The following ATP6V1A variants were observed in gnomAD, a reference collection of about 807,000 sequenced individuals.
The protein encoded by ATP6V1A is ATPase H+ transporting V1 subunit A.
A neutral mutation model predicts 70.1 loss-of-function variants in ATP6V1A; 18 were observed. The ratio of observed to expected loss-of-function variants is 0.26; its 90% CI spans 0.18 to 0.38. The LOEUF (loss-of-function observed/expected upper bound fraction) is 0.38, where lower values mean the gene tolerates loss of function less well. Ranked by LOEUF, ATP6V1A falls within the 10% of genes least tolerant of loss-of-function variation. The pLI is 1.00. For synonymous variants in ATP6V1A, 232 were observed against 253.8 expected, an observed-to-expected ratio of 0.91 and a Z score of 0.82; for missense variants, 424 against 772.4, an observed-to-expected ratio of 0.55 and a Z score of 5.35.
rs1577076807 is a variant in ATP6V1A, at chr3:113,747,565, A to T, written c.-14+452A>T. On this transcript the variant is annotated intron_variant, in intron 1 of 14. Coordinates refer to ENST00000273398, the MANE Select transcript of ATP6V1A (RefSeq NM_001690.4). ...CTCCGGTGAGACAGGCTTGGGAGGGACTGTCACTGATACGGCCCTCACTGC... is the reference window on the plus strand; with the variant it reads ...CTCCGGTGAGACAGGCTTGGGAGGGTCTGTCACTGATACGGCCCTCACTGC... 3.3e-5 allele frequency among the ~76,000 whole-genome samples: 5 copies of T among 152,078 alleles called. No individual in the cohort carries two copies. The South Asian group carries it at 1.0e-3, about 32-fold the overall frequency.
intron 12 of ATP6V1A, 133 bp downstream of exon 12, chr3:113,798,579 T>C (rs1343798076): frequency 1.3e-6 from 1 of 741,092 alleles, no homozygotes; most frequent in Non-Finnish European, 1.9e-6. Context: ...AATTGAAATT[T>C]TCTATTCATT....
intron 1 of ATP6V1A, among the ~76,000 whole-genome samples, chr3:113,770,191 G>A (rs1303645221): frequency 7.9e-5 from 12 of 152,046 alleles, no homozygotes; most frequent in African/African-American, 7.2e-5. Context: ...TGGGACTACA[G>A]TTTTGCATCA....
intron 1 of ATP6V1A, among the ~76,000 whole-genome samples, chr3:113,764,344 C>T (rs1708742622): frequency 6.6e-6 from 1 of 152,086 alleles, no homozygotes; most frequent in African/African-American, 2.4e-5. Context: ...AGTATGGTAT[C>T]TATTTAATGG....
intron 8 of ATP6V1A, among the ~76,000 whole-genome samples, chr3:113,792,531 G>T (rs1453233269): frequency 1.3e-5 from 2 of 152,072 alleles, no homozygotes; most frequent in African/African-American, 2.4e-5. Flanking sequence ...AGAGATGGGG[G>T]TCTCACTATG....
intron 1 of ATP6V1A, among the ~76,000 whole-genome samples, chr3:113,755,694 T>G (rs1708640336): frequency 6.6e-6 from 1 of 152,220 alleles, no homozygotes; most frequent in Non-Finnish European, 1.5e-5. Flanking sequence ...GTTTTAACAT[T>G]CATTTACTCA....
intron 1 of ATP6V1A, among the ~76,000 whole-genome samples, chr3:113,762,821 G>A (rs972577425): frequency 6.6e-6 from 1 of 152,060 alleles, no homozygotes; most frequent in African/African-American, 2.4e-5. Context: ...ACATTATGTT[G>A]TCATTATTGG....
chr3:113,784,179 G>A, intron 3 of ATP6V1A, 45 bp from the exon 4 acceptor site: 1 of 1,540,152 alleles, frequency 6.5e-7, no homozygotes, highest in South Asian at 1.1e-5. Flanking sequence ...TGTTAATTGT[G>A]TCTTTAAACC....
chr3:113,781,553 G>A (rs2108027464), intron 3 of ATP6V1A, among the ~76,000 whole-genome samples: 1 of 152,192 alleles, frequency 6.6e-6, no homozygotes, highest in South Asian at 2.1e-4. Context: ...TTAAGCCAAA[G>A]GTGGAAGCAG....
At chr3:113,795,846 T>G in intron 10 of ATP6V1A, 30 bp from the exon 11 acceptor site, 3 of 1,568,376 alleles carry the variant, frequency 1.9e-6, no homozygotes, top group Non-Finnish European at 2.6e-6. Context: ...ACCATTTTTT[T>G]TGTAATGACC....
chr3:113,774,586 G>C (rs1708886849), intron 1 of ATP6V1A, among the ~76,000 whole-genome samples: 1 of 152,054 alleles, frequency 6.6e-6, no homozygotes, highest in Admixed American at 6.5e-5. Flanking sequence ...ATTACAGGTG[G>C]GCAGATCACT....
chr3:113,781,250 C>T (rs1559755152), intron 3 of ATP6V1A, 72 bp downstream of exon 3: 1 of 1,485,304 alleles, frequency 6.7e-7, no homozygotes, highest in East Asian at 2.6e-5. Context: ...AGGCATAGTG[C>T]CTCACACAAA....
At chr3:113,782,908 T>C (rs1708995595) in intron 3 of ATP6V1A, among the ~76,000 whole-genome samples, 1 of 152,066 alleles carries the variant, frequency 6.6e-6, no homozygotes, top group South Asian at 2.1e-4. Flanking sequence ...GGTACTGTTA[T>C]ACACCTTGCT....
chr3:113,787,406 A>AC (rs1252638360), intron 6 of ATP6V1A, among the ~76,000 whole-genome samples: 3 of 152,168 alleles, frequency 2.0e-5, no homozygotes, highest in African/African-American at 7.2e-5. Flanking sequence ...AATTCAGATG[A>AC]CAAAGCAGGG....
chr3:113,807,284 GTTC>G (rs1425600534), intron 14 of ATP6V1A, among the ~76,000 whole-genome samples: 2 of 151,064 alleles, frequency 1.3e-5, no homozygotes, highest in Non-Finnish European at 2.9e-5. Flanking sequence ...GGTTCAAGCA[GTTC>G]TTCCTGCCTC....
intron 1 of ATP6V1A, among the ~76,000 whole-genome samples, chr3:113,758,669 T>C (rs1401047701): frequency 6.6e-6 from 1 of 152,214 alleles, no homozygotes; most frequent in Non-Finnish European, 1.5e-5. Flanking sequence ...GGACATAAGC[T>C]TTCTCATGGG....
At chr3:113,804,018 G>T (rs1215200312) in intron 13 of ATP6V1A, among the ~76,000 whole-genome samples, 1 of 152,072 alleles carries the variant, frequency 6.6e-6, no homozygotes, top group Non-Finnish European at 1.5e-5. Context: ...GTTGTTTTGA[G>T]ACAGGGTCTC....
intron 1 of ATP6V1A, among the ~76,000 whole-genome samples, chr3:113,755,262 G>A (rs1708634524): frequency 6.6e-6 from 1 of 151,988 alleles, no homozygotes; most frequent in Non-Finnish European, 1.5e-5. Context: ...ATTGGATGTT[G>A]TGAATAATAG....
Position 113,809,371 on chromosome 3 carries a change from G to T in ATP6V1A, c.1798G>T (p.Asp600Tyr), listed in dbSNP as rs758392307. 5 of 1,613,870 alleles carry T rather than the reference G, an allele frequency of 3.1e-6. No individual in the cohort carries two copies. The Admixed American group carries it at 5.0e-5, about 16-fold the overall frequency. Reference protein sequence around the residue: ...LKDGEAKIKSDYAQLLEDMQN... With the variant: ...LKDGEAKIKSYYAQLLEDMQN... The stretch of plus-strand genomic sequence containing the variant: ...AGATGGTGAGGCAAAGATCAAAAGC[G>T]ACTATGCACAACTTCTTGAAGACAT... The change falls in exon 15 of 15, where the codon GAC becomes TAC. Residue 600 changes from aspartate to tyrosine, a missense_variant. Transcript: ENST00000273398.
chr3:113,797,392 T>G (rs1709164730), intron 11 of ATP6V1A, among the ~76,000 whole-genome samples: 2 of 151,846 alleles, frequency 1.3e-5, no homozygotes, highest in Non-Finnish European at 2.9e-5. Flanking sequence ...AAGCTGGCAT[T>G]ACAGGCATGC....
Sources: allele counts gnomAD v4.1 joint callset (sites outside exome capture counted in the v4.1 genomes callset), GRCh38; gene constraint gnomAD v4.1.1; transcripts MANE v1.5; gene names NCBI Gene and HGNC (gene_info 2026-07-23, HGNC 2026-07-21).